The following FGF2 variants were observed in gnomAD, a reference collection of about 807,000 sequenced individuals.
FGF2 encodes basic fibroblast growth factor bFGF.
In FGF2, 13 loss-of-function variants were observed where a neutral mutation model predicts 15.9. That is an observed-to-expected ratio of 0.82 (90% CI 0.53 to 1.30). The LOEUF (loss-of-function observed/expected upper bound fraction) is 1.30. FGF2 is among the 50% of genes most tolerant of loss of function. FGF2 has a pLI of 0.00. For missense variants in FGF2, 163 were observed against 196.9 expected, an observed-to-expected ratio of 0.83 and a Z score of 1.03; for synonymous variants, 90 against 78.4, an observed-to-expected ratio of 1.15 and a Z score of -0.78.
At chr4:122,869,403 T>C (rs765162951) in intron 1 of FGF2, among the ~76,000 whole-genome samples, 3 of 152,356 alleles carry the variant, frequency 2.0e-5, no homozygotes, top group Non-Finnish European at 4.4e-5. Context: ...GGGAATAGCA[T>C]TGAATCTATA....
At chr4:122,834,081 G>T (rs1391637119) in intron 1 of FGF2, among the ~76,000 whole-genome samples, 1 of 152,124 alleles carries the variant, frequency 6.6e-6, no homozygotes, top group African/African-American at 2.4e-5. Flanking sequence ...GAATTTATTG[G>T]TCAGAAAGAA....
At position 122,826,870 on chromosome 4, in the gene FGF2, T is replaced by C. The variant is rs1725641449; in HGVS notation, c.-305T>C. The C allele has an allele frequency of 6.6e-7, 1 of 1,520,532 alleles. No individual in the cohort carries two copies. Among genetic ancestry groups the C allele is most frequent in the Admixed American group, 2.0e-5 (1 of 50,402 alleles). The allele number at this position is 1,520,532 out of a possible 1,614,324, so 94.2% of individuals were successfully genotyped here. A position where few individuals can be genotyped will look rare whatever the true frequency, so the allele number is the denominator to read the frequency against. ...CGCGGTGCCCGCGGTTGCAACGGGATCCCGGGCGCTGCAGCTTGGGAGGCG... is the reference window on the plus strand; with the variant it reads ...CGCGGTGCCCGCGGTTGCAACGGGACCCCGGGCGCTGCAGCTTGGGAGGCG... On this transcript the variant is annotated 5_prime_UTR_variant, in exon 1 of 3. Coordinates refer to ENST00000644866, the MANE Select transcript of FGF2 (RefSeq NM_001361665.2).
intron 2 of FGF2, among the ~76,000 whole-genome samples, chr4:122,888,283 T>G (rs972272001): frequency 6.6e-6 from 1 of 152,216 alleles, no homozygotes; most frequent in African/African-American, 2.4e-5. Flanking sequence ...CCTTACCATT[T>G]CTACTGCTAC....
chr4:122,882,072 G>A (rs1306584719), intron 2 of FGF2: 1 of 152,150 alleles, frequency 6.6e-6, no homozygotes, highest in Non-Finnish European at 1.5e-5. Context: ...CATAAGAACA[G>A]CACAAGAAAG....
chr4:122,866,734 G>A (rs1190932512), intron 1 of FGF2, among the ~76,000 whole-genome samples: 1 of 152,158 alleles, frequency 6.6e-6, no homozygotes, highest in Non-Finnish European at 1.5e-5. Context: ...CTCATATATT[G>A]TGATGAGAAT....
intron 1 of FGF2, among the ~76,000 whole-genome samples, chr4:122,830,776 G>A (rs2150760385): frequency 7.9e-6 from 1 of 125,832 alleles, no homozygotes; most frequent in Non-Finnish European, 1.6e-5. Context: ...TGCTGCTTAT[G>A]TACACTTAGT....
chr4:122,850,203 A>G (rs1416168117), intron 1 of FGF2, among the ~76,000 whole-genome samples: 1 of 151,980 alleles, frequency 6.6e-6, no homozygotes, highest in Non-Finnish European at 1.5e-5. Flanking sequence ...CGGAGGTTGC[A>G]GTGAGCCAAG....
intron 1 of FGF2, among the ~76,000 whole-genome samples, chr4:122,837,549 G>C (rs1725891659): frequency 6.6e-6 from 1 of 151,886 alleles, no homozygotes; most frequent in South Asian, 2.1e-4. Context: ...TATTAATTAT[G>C]TTACTTTTCT....
Position 122,896,780 on chromosome 4 carries a change from A to G in FGF2, c.*4384A>G, listed in dbSNP as rs775919255. On this transcript the variant is annotated 3_prime_UTR_variant, in exon 3 of 3. Transcript: ENST00000644866. ...TTTAAGTACATGGACATTTTTAAAT[A>G]AAATATTTAAAGACAATTTAGAAAA... 2.6e-5 allele frequency: 4 copies of G among 152,214 alleles called. No individual in the cohort carries two copies. Among genetic ancestry groups the G allele is most frequent in the Non-Finnish European group, 5.9e-5 (4 of 68,028 alleles). The allele number at this position is 152,214 out of a possible 1,614,324, so 9.4% of individuals were successfully genotyped here. A position where few individuals can be genotyped will look rare whatever the true frequency, so the allele number is the denominator to read the frequency against.
chr4:122,845,427 G>C (rs979120594), intron 1 of FGF2, among the ~76,000 whole-genome samples: 4 of 152,162 alleles, frequency 2.6e-5, no homozygotes, highest in Non-Finnish European at 5.9e-5. Context: ...GAAGACATGC[G>C]TTGACTTCTC....
rs1727312669 is a variant in FGF2, at chr4:122,895,178, G to GA, written c.*2784dup. On this transcript the variant is annotated 3_prime_UTR_variant, in exon 3 of 3. Coordinates refer to ENST00000644866, the MANE Select transcript of FGF2 (RefSeq NM_001361665.2). ...ATTTCTTCCCCAAGGATTTCAAGAT[G>GA]AATTGAAATTTTTAATCAAGATAGT... 1 of 152,164 alleles carries GA rather than the reference G, an allele frequency of 6.6e-6. No homozygotes were observed. Among genetic ancestry groups the GA allele is most frequent in the East Asian group, 1.9e-4 (1 of 5,202 alleles). The allele number at this position is 152,164 out of a possible 1,614,324, so 9.4% of individuals were successfully genotyped here.
intron 1 of FGF2, among the ~76,000 whole-genome samples, chr4:122,864,673 A>C (rs1242876953): frequency 6.6e-6 from 1 of 152,158 alleles, no homozygotes; most frequent in Non-Finnish European, 1.5e-5. Flanking sequence ...ATTTTCAGTC[A>C]TGTTTAATAT....
intron 1 of FGF2, among the ~76,000 whole-genome samples, chr4:122,872,013 G>T (rs1196319300): frequency 6.6e-6 from 1 of 152,160 alleles, no homozygotes; most frequent in African/African-American, 2.4e-5. Context: ...GAACTGTATG[G>T]AGGATCAGAT....
At chr4:122,882,257 G>A (rs902686773) in intron 2 of FGF2, 123 of 152,238 alleles carry the variant, frequency 8.1e-4, no homozygotes, top group African/African-American at 2.8e-3. Context: ...GCTGAATATT[G>A]ATTCATTGAC....
At chr4:122,859,445 A>G (rs1273878598) in intron 1 of FGF2, among the ~76,000 whole-genome samples, 2 of 152,242 alleles carry the variant, frequency 1.3e-5, no homozygotes, top group Non-Finnish European at 2.9e-5. Flanking sequence ...ATGGTAAGAC[A>G]TTATATAAGC....
At chr4:122,855,988 A>T (rs1027148311) in intron 1 of FGF2, among the ~76,000 whole-genome samples, 1 of 152,192 alleles carries the variant, frequency 6.6e-6, no homozygotes, top group African/African-American at 2.4e-5. Flanking sequence ...GGATTGGAAG[A>T]AATTGAGAGC....
At position 122,892,996 on chromosome 4, in the gene FGF2, A is replaced by G; in HGVS notation, c.*600A>G. The G allele has an allele frequency of 6.2e-7, 1 of 1,614,048 alleles. No homozygotes were observed. Among genetic ancestry groups the G allele is most frequent in the Non-Finnish European group, 8.5e-7 (1 of 1,180,016 alleles). Reference sequence around the variant, plus strand: ...GCCTAGCAACTCTGCTGGTGATGGGAGTTGTATTTTCAGTCTTCGCCAGGT... The same window carrying G: ...GCCTAGCAACTCTGCTGGTGATGGGGGTTGTATTTTCAGTCTTCGCCAGGT... On this transcript the variant is annotated 3_prime_UTR_variant, in exon 3 of 3. Coordinates refer to ENST00000644866, the MANE Select transcript of FGF2 (RefSeq NM_001361665.2).
chr4:122,853,825 T>C (rs1409267049), intron 1 of FGF2, among the ~76,000 whole-genome samples: 1 of 152,224 alleles, frequency 6.6e-6, no homozygotes, highest in East Asian at 1.9e-4. Flanking sequence ...TTCCTTATCT[T>C]TTATAAACTA....
rs1403546078 is a variant in FGF2, at chr4:122,896,345, A to AT, written c.*3950dup. The AT allele has an allele frequency of 6.6e-6, 1 of 152,632 alleles. No homozygotes were observed. The highest frequency in any genetic ancestry group is 1.5e-5 in the Non-Finnish European group (1 of 68,042). 9.5% of individuals were successfully genotyped at this position (152,632 alleles called of 1,614,324 possible). A position where few individuals can be genotyped will look rare whatever the true frequency, so the allele number is the denominator to read the frequency against. ...AGTACAGCTGAAATTCAGAGGACCCATAAGAGTTCACATGAAAAAAATCAA... is the reference window on the plus strand; with the variant it reads ...AGTACAGCTGAAATTCAGAGGACCCATTAAGAGTTCACATGAAAAAAATCAA... On this transcript the variant is annotated 3_prime_UTR_variant, in exon 3 of 3. Transcript: ENST00000644866.
Sources: allele counts gnomAD v4.1 joint callset (sites outside exome capture counted in the v4.1 genomes callset), GRCh38; gene constraint gnomAD v4.1.1; transcripts MANE v1.5; gene names NCBI Gene and HGNC (gene_info 2026-07-23, HGNC 2026-07-21).